The following CTNNA1 variants were observed in gnomAD, a reference collection of about 807,000 sequenced individuals.
CTNNA1 encodes catenin alpha 1, also known as catenin alpha-1.
Under a neutral mutation model 98.4 loss-of-function variants are expected in CTNNA1, and 37 were observed. That is an observed-to-expected ratio of 0.38 (90% confidence interval 0.29 to 0.49). The LOEUF (loss-of-function observed/expected upper bound fraction) is 0.49, where lower values mean the gene tolerates loss of function less well. Among genes scored for constraint, CTNNA1 ranks in the 20% least tolerant of loss-of-function variants. CTNNA1 has a pLI of 0.95. For missense variants in CTNNA1, 761 were observed against 1,147.2 expected, an observed-to-expected ratio of 0.66 and a Z score of 4.86; for synonymous variants, 404 against 413.2, an observed-to-expected ratio of 0.98 and a Z score of 0.27.
At chr5:138,774,498 C>T (rs1484142641) in intron 1 of CTNNA1, among the ~76,000 whole-genome samples, 1 of 152,148 alleles carries the variant, frequency 6.6e-6, no homozygotes, top group Non-Finnish European at 1.5e-5. Context: ...AGTTGATGAA[C>T]AAGTGGGCAC....
At chr5:138,777,672 A>G (rs1184133911) in intron 1 of CTNNA1, among the ~76,000 whole-genome samples, 1 of 151,904 alleles carries the variant, frequency 6.6e-6, no homozygotes, top group Non-Finnish European at 1.5e-5. Flanking sequence ...CCCGGCTAAC[A>G]CAGTGAAACC....
Position 138,880,342 on chromosome 5 carries a change from TGC to T in CTNNA1, c.1063-5867_1063-5866del, listed in dbSNP as rs1272021913. The T allele has an allele frequency of 2.0e-5, 3 of 152,336 alleles. No homozygotes were observed. The East Asian group carries it at 5.8e-4, about 29-fold the overall frequency. 9.4% of individuals were successfully genotyped at this position (152,336 alleles called of 1,614,324 possible). ...TTGTGGAGACGGGGTTTCATCATGT[TGC>T]GCTAGGCTGGTCTTGAACTCCTGGG... On this transcript the variant is annotated intron_variant, in intron 7 of 17. Coordinates refer to ENST00000302763, the MANE Select transcript of CTNNA1 (RefSeq NM_001903.5).
Position 138,827,593 on chromosome 5 carries a change from A to G in CTNNA1, c.937A>G (p.Ile313Val), listed in dbSNP as rs1760849989. Residue 313 changes from isoleucine to valine, a missense_variant, in exon 7 of 18, where the codon ATT becomes GTT. Physicochemically the swap from Ile to Val is conservative, Grantham distance 29 (BLOSUM62 3). This residue lies in a region of CTNNA1 where 287 missense variants were observed against 436.0 expected (regional missense o/e 0.66). Transcript: ENST00000302763. ...CCTGGAGGAGCGTCTGGAAAGCATC[A>G]TTAGTGGGGCTGCCTTGATGGCCGA... is the stretch of plus-strand genomic sequence containing the variant. ...PSLEERLESIISGAALMADSS... is the reference protein window; with the variant it reads ...PSLEERLESIVSGAALMADSS... 1.2e-6 allele frequency: 2 copies of G among 1,614,184 alleles called. No homozygotes were observed. Among genetic ancestry groups the G allele is most frequent in the East Asian group, 2.2e-5 (1 of 44,878 alleles).
rs1422807423 is a variant in CTNNA1, at chr5:138,873,343, A to G, written c.1063-12869A>G. 6.2e-7 allele frequency: 1 copy of G among 1,613,942 alleles called. No individual in the cohort carries two copies. Among genetic ancestry groups the G allele is most frequent in the Non-Finnish European group, 8.5e-7 (1 of 1,179,888 alleles). On this transcript the variant is annotated intron_variant, in intron 7 of 17. Coordinates refer to ENST00000302763, the MANE Select transcript of CTNNA1 (RefSeq NM_001903.5). The surrounding 1 kb of genome is among the most constrained non-coding windows in gnomAD (Gnocchi z 6.1). ...CTGGTTCAGGAAAGTGTTCCTCGGT[A>G]GTAACTGCTATGCCTGCAGTAGTTG...
At chr5:138,866,274 AT>A (rs1454390966) in intron 7 of CTNNA1, among the ~76,000 whole-genome samples, 1 of 14,972 alleles carries the variant, frequency 6.7e-5, no homozygotes, top group African/African-American at 1.5e-4. Context: ...GTTGTAACTC[AT>A]TTATTTATTT....
chr5:138,807,711 T>C (rs886632622), intron 3 of CTNNA1, among the ~76,000 whole-genome samples: 4 of 152,096 alleles, frequency 2.6e-5, no homozygotes, highest in Admixed American at 2.6e-4. Flanking sequence ...TCTTGCTTAT[T>C]CTCTCTTGTT....
chr5:138,863,234 A>C (rs969523131), intron 7 of CTNNA1, among the ~76,000 whole-genome samples: 3 of 151,256 alleles, frequency 2.0e-5, no homozygotes, highest in African/African-American at 7.3e-5. Context: ...TTTTATATAT[A>C]TATATAATTT....
intron 5 of CTNNA1, among the ~76,000 whole-genome samples, chr5:138,818,416 C>T (rs1290020450): frequency 7.2e-6 from 1 of 139,070 alleles, no homozygotes; most frequent in Non-Finnish European, 1.6e-5. Context: ...GTCATATTTA[C>T]TTGCTTTCTC....
In CTNNA1 at chr5:138,916,509, C is replaced by T. The variant is rs374060821; in HGVS notation, c.1390-1233C>T. Among the ~76,000 whole-genome samples, 12 of 149,722 alleles carry T rather than the reference C, an allele frequency of 8.0e-5. No individual in the cohort carries two copies. The South Asian group carries it at 1.5e-3, about 18-fold the overall frequency. The stretch of plus-strand genomic sequence containing the variant: ...TCCCAAAGTGCTGGGATTACGAGCT[C>T]GAGCCACCACGCCCAGCTTGTTTGT... On this transcript the variant is annotated intron_variant, in intron 10 of 17. Transcript: ENST00000302763.
chr5:138,880,914 C>T, intron 7 of CTNNA1: 1 of 394,416 alleles, frequency 2.5e-6, no homozygotes, highest in South Asian at 1.9e-5. Context: ...GCTGGAGGGG[C>T]AGTGACAAGT....
At chr5:138,785,524 G>A (rs1342209214) in intron 3 of CTNNA1, among the ~76,000 whole-genome samples, 1 of 138 alleles carries the variant, frequency 7.2e-3, no homozygotes, top group African/African-American at 0.031. Context: ...GATGAGTTTG[G>A]GCAGTGTTTG....
chr5:138,806,928 G>A (rs894330951), intron 3 of CTNNA1, among the ~76,000 whole-genome samples: 14 of 151,252 alleles, frequency 9.3e-5, no homozygotes, highest in Non-Finnish European at 1.8e-4. Flanking sequence ...TTATTTGTAA[G>A]CAAAGGCTAA....
At chr5:138,799,857 G>GATGTATGTATGTATGTATGTATGT (rs55698183) in intron 3 of CTNNA1, among the ~76,000 whole-genome samples, 2 of 149,024 alleles carry the variant, frequency 1.3e-5, no homozygotes, top group African/African-American at 2.5e-5. Context: ...AGTAGATGTA[G>GATGTATGTATGTATGTATGTATGT]ATGTATGTAT....
chr5:138,779,375 A>G (rs1287008286), intron 1 of CTNNA1, among the ~76,000 whole-genome samples: 1 of 152,174 alleles, frequency 6.6e-6, no homozygotes, highest in Non-Finnish European at 1.5e-5. Flanking sequence ...AGACAGTTAC[A>G]GTCATTATTC....
chr5:138,932,620 C>T lies in CTNNA1; in HGVS notation c.2341C>T (p.Gln781Ter). The change falls in exon 17 of 18, where the codon CAA (glutamine) becomes TAA (stop). Residue 781 changes from glutamine to a stop codon, truncating the protein, a stop_gained. Transcript: ENST00000302763. LOFTEE classifies it high-confidence loss of function. ...ACKQDLLAYLQRIALYCHQLN... is the reference protein window; with the variant it reads ...ACKQDLLAYL ...CAAGCAGGACCTGCTGGCCTACCTGCAACGCATCGCCCTCTACTGCCACCA... is the reference window on the plus strand; with the variant it reads ...CAAGCAGGACCTGCTGGCCTACCTGTAACGCATCGCCCTCTACTGCCACCA... 6.2e-7 allele frequency: 1 copy of T among 1,614,220 alleles called. No individual in the cohort carries two copies.
intron 7 of CTNNA1, among the ~76,000 whole-genome samples, chr5:138,858,657 A>G (rs1048249926): frequency 4.5e-5 from 6 of 132,886 alleles, no homozygotes; most frequent in Admixed American, 2.7e-4. Flanking sequence ...GTGCAGTGGC[A>G]TGATCTTGGC....
intron 9 of CTNNA1, among the ~76,000 whole-genome samples, chr5:138,902,907 C>T (rs1208503284): frequency 6.6e-6 from 1 of 151,906 alleles, no homozygotes; most frequent in African/African-American, 2.4e-5. Context: ...TTAAGTCTTA[C>T]ATTTTACAAA....
intron 9 of CTNNA1, among the ~76,000 whole-genome samples, chr5:138,896,642 C>G (rs1018798883): frequency 3.3e-5 from 5 of 152,158 alleles, no homozygotes; most frequent in Admixed American, 3.3e-4. Flanking sequence ...TGGCTCTTCC[C>G]TTTACCATTT....
At chr5:138,928,758 A>T (rs529455785) in intron 13 of CTNNA1, among the ~76,000 whole-genome samples, 17 of 152,258 alleles carry the variant, frequency 1.1e-4, no homozygotes, top group Admixed American at 1.0e-3. Context: ...ACATGGTGAA[A>T]CCCCGTCTCT....
Sources: gnomAD v4.1 joint callset for allele counts (sites outside exome capture counted in the v4.1 genomes callset) on GRCh38, gnomAD v4.1.1 for gene constraint, gnomAD v4.1.1 regional missense constraint, Gnocchi (gnomAD v3.1) non-coding constraint, MANE v1.5 for transcripts, NCBI Gene and HGNC (gene_info 2026-07-23, HGNC 2026-07-21) for gene names.